Variants in GATAD2A observed in about 807,000 individuals in gnomAD.
The protein encoded by GATAD2A is GATA zinc finger domain containing 2A.
Under a neutral mutation model 68.5 loss-of-function variants are expected in GATAD2A, and 12 were observed. The ratio of observed to expected loss-of-function variants is 0.18; its 90% CI spans 0.11 to 0.28. The LOEUF (loss-of-function observed/expected upper bound fraction) is 0.28. GATAD2A is among the 10% of genes least tolerant of loss of function. GATAD2A has a pLI of 1.00. For synonymous variants in GATAD2A, 410 were observed against 375.3 expected, an observed-to-expected ratio of 1.09 and a Z score of -1.07; for missense variants, 755 against 868.5, an observed-to-expected ratio of 0.87 and a Z score of 1.64.
chr19:19,411,425 C>A (rs1368677092), intron 1 of GATAD2A, among the ~76,000 whole-genome samples: 1 of 152,166 alleles, frequency 6.6e-6, no homozygotes, highest in Non-Finnish European at 1.5e-5. Context: ...GTCATGGGAG[C>A]CTTCCTTAGA....
chr19:19,495,713 G>T, intron 5 of GATAD2A, 41 bp from the exon 6 acceptor site: 1 of 1,570,378 alleles, frequency 6.4e-7, no homozygotes, highest in Non-Finnish European at 8.7e-7. Context: ...AGTGTGGGGG[G>T]GTCCGGTCCA....
intron 1 of GATAD2A, among the ~76,000 whole-genome samples, chr19:19,431,768 G>A (rs750690958): frequency 9.2e-5 from 14 of 151,678 alleles, no homozygotes; most frequent in Non-Finnish European, 1.6e-4. Context: ...AACTAAAATC[G>A]GGCATCAGGC....
intron 1 of GATAD2A, among the ~76,000 whole-genome samples, chr19:19,392,832 G>C (rs754610547): frequency 2.6e-4 from 39 of 152,008 alleles, no homozygotes; most frequent in Middle Eastern, 3.4e-3. Context: ...CAGTAGCTAG[G>C]ATTACAAGTG....
chr19:19,451,603 G>T (rs1230212933), intron 1 of GATAD2A, among the ~76,000 whole-genome samples: 4 of 152,202 alleles, frequency 2.6e-5, no homozygotes, highest in Admixed American at 1.3e-4. Flanking sequence ...GTGAGAAATT[G>T]CAGGGCTGAG....
chr19:19,392,314 G>T (rs1269006490), intron 1 of GATAD2A, among the ~76,000 whole-genome samples: 1 of 150,608 alleles, frequency 6.6e-6, no homozygotes, highest in Admixed American at 6.6e-5. Context: ...GAACTCCTGA[G>T]TTCAAGTGAT....
chr19:19,390,898 CG>C (rs938816413), intron 1 of GATAD2A, among the ~76,000 whole-genome samples: 2 of 152,074 alleles, frequency 1.3e-5, no homozygotes, highest in Admixed American at 6.6e-5. Context: ...AGCCATTTGA[CG>C]CCACACAATA....
At chr19:19,402,611 C>A, upstream of GATAD2A, 1 of 149,720 alleles carries the variant, frequency 6.7e-6, no homozygotes, top group Non-Finnish European at 1.5e-5. Context: ...ATCTCTTGAG[C>A]CTGGGAGGTG....
chr19:19,418,766 T>C (rs867790921), intron 1 of GATAD2A, among the ~76,000 whole-genome samples: 23 of 152,168 alleles, frequency 1.5e-4, no homozygotes, highest in South Asian at 2.1e-4. Flanking sequence ...CTAGCTCTTT[T>C]GGCAGAGTTT....
intron 2 of GATAD2A, among the ~76,000 whole-genome samples, chr19:19,476,562 A>G (rs920607828): frequency 2.0e-5 from 3 of 152,348 alleles, no homozygotes; most frequent in Non-Finnish European, 2.9e-5. Flanking sequence ...CCATGCTGCA[A>G]GCAGTTGCAG....
At chr19:19,457,030 C>G (rs2056996654) in intron 1 of GATAD2A, 1 of 902,738 alleles carries the variant, frequency 1.1e-6, no homozygotes. Flanking sequence ...GGATGAAACC[C>G]TGAGGATCCC....
chr19:19,411,851 T>C (rs1055912898), intron 1 of GATAD2A, among the ~76,000 whole-genome samples: 2 of 152,194 alleles, frequency 1.3e-5, no homozygotes, highest in African/African-American at 4.8e-5. Context: ...ACACCTCATA[T>C]CTCAGTTATC....
intron 1 of GATAD2A, chr19:19,457,095 C>T (rs571435319): frequency 2.2e-5 from 22 of 985,276 alleles, no homozygotes; most frequent in Non-Finnish European, 2.7e-5. Flanking sequence ...CAGAGCACTC[C>T]TATCTGTGAC....
At chr19:19,484,532 CTTTTTTTTT>C (rs897099165) in intron 2 of GATAD2A, among the ~76,000 whole-genome samples, 4 of 86,958 alleles carry the variant, frequency 4.6e-5, no homozygotes, top group African/African-American at 1.5e-4. Flanking sequence ...TTTTTTTTTT[CTTTTTTTTT>C]TTTTTTTTTG....
At chr19:19,493,892 T>A (rs932980015) in intron 4 of GATAD2A, among the ~76,000 whole-genome samples, 11 of 152,136 alleles carry the variant, frequency 7.2e-5, no homozygotes, top group Non-Finnish European at 1.2e-4. Flanking sequence ...CATGCAGCTT[T>A]AAAAAGTGCC....
At chr19:19,450,953 G>T (rs543862345) in intron 1 of GATAD2A, among the ~76,000 whole-genome samples, 1 of 151,436 alleles carries the variant, frequency 6.6e-6, no homozygotes, top group African/African-American at 2.4e-5. Flanking sequence ...TGTATTTTTA[G>T]TAGAGACGGG....
chr19:19,429,118 C>T lies in GATAD2A; in HGVS notation c.-7+23099C>T, dbSNP rs541278074. Reference sequence around the variant, plus strand: ...ATTTTGTAGTCTCCTCCTCCGTGCCCACGTGGGTGTTAGATGAGGTGATGC... The same window carrying T: ...ATTTTGTAGTCTCCTCCTCCGTGCCTACGTGGGTGTTAGATGAGGTGATGC... On this transcript the variant is annotated intron_variant, in intron 1 of 11. Coordinates refer to ENST00000683918, the MANE Select transcript of GATAD2A (RefSeq NM_001384528.1). 3.0e-3 allele frequency: 2,546 copies of T among 855,012 alleles called. 8 individuals carry two copies. The highest frequency in any genetic ancestry group is 0.016 in the South Asian group (301 of 18,692). 53.0% of individuals were successfully genotyped at this position (855,012 alleles called of 1,614,324 possible). A position where few individuals can be genotyped will look rare whatever the true frequency, so the allele number is the denominator to read the frequency against.
In GATAD2A at chr19:19,494,304, C is replaced by G; in HGVS notation, c.545C>G (p.Ser182Cys). ...KEATAQKPTG[S>C]VGSTVTTPPP... ...CCTGCTCTCTTGCAGCCCACAGGTT[C>G]TGTTGGGAGCACCGTGACCACCCCT... Residue 182 changes from serine to cysteine, a missense_variant, in exon 5 of 12, where the codon TCT (serine) becomes TGT (cysteine). Physicochemically the swap from Ser to Cys is moderately radical, Grantham distance 112. Coordinates refer to ENST00000683918, the MANE Select transcript of GATAD2A (RefSeq NM_001384528.1). 6.2e-7 allele frequency: 1 copy of G among 1,609,546 alleles called. No homozygotes were observed. Among genetic ancestry groups the G allele is most frequent in the Non-Finnish European group, 8.5e-7 (1 of 1,176,056 alleles).
intron 1 of GATAD2A, among the ~76,000 whole-genome samples, chr19:19,428,898 C>T (rs552426377): frequency 1.3e-5 from 2 of 152,316 alleles, no homozygotes; most frequent in East Asian, 3.9e-4. Flanking sequence ...TTGGCCGCGC[C>T]CCGAAGCTCT....
At chr19:19,425,832 C>T (rs1332506441) in intron 1 of GATAD2A, among the ~76,000 whole-genome samples, 1 of 151,796 alleles carries the variant, frequency 6.6e-6, no homozygotes, top group Non-Finnish European at 1.5e-5. Context: ...CTCTGTCGCC[C>T]AGGCTGGACT....
Sources: gnomAD v4.1 joint callset for allele counts (sites outside exome capture counted in the v4.1 genomes callset) on GRCh38, gnomAD v4.1.1 for gene constraint, MANE v1.5 for transcripts, NCBI Gene and HGNC (gene_info 2026-07-23, HGNC 2026-07-21) for gene names.